LYST: variants seen among roughly 807,000 people sequenced by gnomAD.
LYST encodes lysosomal-trafficking regulator.
A neutral mutation model predicts 413.6 loss-of-function variants in LYST; 192 were observed. The observed-to-expected ratio is 0.46, with a 90% CI of 0.41 to 0.52. LYST has a LOEUF of 0.52. Ranked by LOEUF, LYST falls within the 20% of genes least tolerant of loss-of-function variation. LYST has a pLI of 0.00. For missense variants in LYST, 3,815 were observed against 4,499.9 expected (o/e 0.85, Z 4.35); for synonymous variants, 1,525 against 1,567.3 (o/e 0.97, Z 0.64).
chr1:235,712,698 G>A (rs1662497682), intron 42 of LYST: 2 of 984,856 alleles, frequency 2.0e-6, no homozygotes, highest in South Asian at 4.7e-5. Flanking sequence ...TTTTTTCGGG[G>A]GGGTGCGTAG....
intron 47 of LYST, among the ~76,000 whole-genome samples, chr1:235,691,111 G>A (rs1008589921): frequency 2.6e-5 from 4 of 151,980 alleles, no homozygotes; most frequent in Non-Finnish European, 4.4e-5. Context: ...GTAGAGACGG[G>A]GTTTCACTGT....
chr1:235,725,855 C>T (rs1272140329), intron 38 of LYST, among the ~76,000 whole-genome samples: 3 of 152,098 alleles, frequency 2.0e-5, no homozygotes, highest in Non-Finnish European at 4.4e-5. Flanking sequence ...TCCTAGTGTA[C>T]TCAGACAAAT....
At chr1:235,763,000 A>G (rs1273585236) in intron 21 of LYST, 149 bp from the exon 22 acceptor site, 1 of 643,770 alleles carries the variant, frequency 1.6e-6, no homozygotes, top group African/African-American at 1.8e-5. Context: ...AAGGCACACG[A>G]TATGTGAATA....
chr1:235,786,817 C>A (rs139034177), intron 14 of LYST, among the ~76,000 whole-genome samples: 170 of 146,406 alleles, frequency 1.2e-3, no homozygotes, highest in African/African-American at 3.8e-3. Flanking sequence ...CCAAACACCG[C>A]ATGTTCTCAC....
At chr1:235,703,702 T>A (rs969923064) in intron 44 of LYST, among the ~76,000 whole-genome samples, 2 of 152,108 alleles carry the variant, frequency 1.3e-5, no homozygotes, top group Admixed American at 6.6e-5. Context: ...AGAAGTTAGG[T>A]CATCTTCAAC....
chr1:235,709,480 T>C (rs1168158913), intron 43 of LYST, among the ~76,000 whole-genome samples, 172 bp from the exon 44 acceptor site: 1 of 150,002 alleles, frequency 6.7e-6, no homozygotes, highest in Non-Finnish European at 1.5e-5. Flanking sequence ...CATCTACTTA[T>C]GTACCTACTA....
In LYST at chr1:235,777,232, C is replaced by T. The variant is rs35413645; in HGVS notation, c.5291G>A (p.Gly1764Asp). 8 of 1,613,402 alleles carry T rather than the reference C, an allele frequency of 5.0e-6. No homozygotes were observed. The highest frequency in any genetic ancestry group is 3.3e-5 in the Admixed American group (2 of 59,988). The part of the protein sequence containing the change: ...TIYEPVIRLK[G>D]QMKTQLSQRP... ...TTGAGAGAGTTGGGTTTTCATTTGA[C>T]CTTTAAGTCTAATCACTGGTTCATA... is the stretch of plus-strand genomic sequence containing the variant. The change falls in exon 17 of 53, where the codon GGT becomes GAT. Residue 1764 changes from glycine (G) to aspartate (D), a missense_variant. Around this residue, in one of 4 missense-constraint regions of LYST, gnomAD observed 530 missense variants for 696.5 expected, o/e 0.76. Transcript: ENST00000389793.
chr1:235,825,031 A>AAACAACAAC, intron 3 of LYST, among the ~76,000 whole-genome samples: 1 of 152,114 alleles, frequency 6.6e-6, no homozygotes, highest in South Asian at 2.1e-4. Context: ...AAAAAAAAGA[A>AAACAACAAC]AACAACAACA....
intron 19 of LYST, among the ~76,000 whole-genome samples, chr1:235,770,946 T>C (rs1232588505): frequency 6.6e-6 from 1 of 152,222 alleles, no homozygotes; most frequent in Non-Finnish European, 1.5e-5. Context: ...TGATAACTAA[T>C]ATTGAAAGAT....
Position 235,723,996 on chromosome 1 carries a change from C to T in LYST, c.9315+32G>A, listed in dbSNP as rs551759277. 15 of 1,587,912 alleles carry T rather than the reference C, an allele frequency of 9.4e-6. No homozygotes were observed. The South Asian group carries it at 1.5e-4, about 16-fold the overall frequency. ...TTACAGTGGCCCATGAGCACTTAAACAATATATATCAATTAATAAGGGTGA... is the reference window on the plus strand; with the variant it reads ...TTACAGTGGCCCATGAGCACTTAAATAATATATATCAATTAATAAGGGTGA... On this transcript the variant is annotated intron_variant, in intron 39 of 52. Coordinates refer to ENST00000389793, the MANE Select transcript of LYST (RefSeq NM_000081.4).
Position 235,733,552 on chromosome 1 carries a change from T to A in LYST, c.8752A>T (p.Ser2918Cys). The A allele has an allele frequency of 6.2e-7, 1 of 1,614,020 alleles. No individual in the cohort carries two copies. The highest frequency in any genetic ancestry group is 1.1e-5 in the South Asian group (1 of 91,078). The change falls in exon 34 of 53, where the codon AGT becomes TGT. Residue 2918 changes from serine (S) to cysteine (C), a missense_variant. By Grantham distance (112) the Ser-to-Cys change is moderately radical (BLOSUM62 -1). This residue lies in a region of LYST where 866 missense variants were observed against 1,156.0 expected (regional missense o/e 0.75). Coordinates refer to ENST00000389793, the MANE Select transcript of LYST (RefSeq NM_000081.4). ...AGTTCCTGCCAATGTCTGCTGGCAC[T>A]CAAATCTACTTTATACATTCCTCTA... ...HIRGMYKVDL[S>C]ASRHWQELIQ... is the part of the protein sequence containing the mutation.
intron 42 of LYST, chr1:235,712,549 T>C (rs2103127362): frequency 1.1e-6 from 1 of 942,502 alleles, no homozygotes; most frequent in Admixed American, 6.1e-5. Context: ...CAATCATGGT[T>C]TATTTATTGA....
intron 16 of LYST, among the ~76,000 whole-genome samples, chr1:235,778,902 T>TGG (rs1021723756): frequency 2.6e-5 from 4 of 151,948 alleles, no homozygotes; most frequent in African/African-American, 9.7e-5. Flanking sequence ...GTTTGACTCT[T>TGG]GTTGCCCAGG....
intron 48 of LYST, among the ~76,000 whole-genome samples, chr1:235,684,623 T>A (rs1398783559): frequency 1.3e-5 from 2 of 152,174 alleles, no homozygotes; most frequent in Non-Finnish European, 2.9e-5. Flanking sequence ...TAACCTTTTT[T>A]AAAAACAATT....
chr1:235,698,267 T>G (rs1445218088), intron 45 of LYST, among the ~76,000 whole-genome samples: 1 of 152,178 alleles, frequency 6.6e-6, no homozygotes, highest in East Asian at 1.9e-4. Context: ...AAAACCTGAT[T>G]TTTAGTGAAA....
intron 28 of LYST, 102 bp from the exon 29 acceptor site, chr1:235,746,629 C>T: frequency 1.3e-6 from 1 of 793,284 alleles, no homozygotes; most frequent in East Asian, 2.7e-5. Context: ...TGAAAACAAC[C>T]TTATTTACTA....
At chr1:235,838,286 A>G (rs1369613883) in intron 1 of LYST, among the ~76,000 whole-genome samples, 1 of 152,190 alleles carries the variant, frequency 6.6e-6, no homozygotes, top group Non-Finnish European at 1.5e-5. Context: ...CTAAATCAAG[A>G]TTGAGTTCCA....
At chr1:235,759,938 C>T (rs1042848326) in intron 22 of LYST, among the ~76,000 whole-genome samples, 3 of 151,996 alleles carry the variant, frequency 2.0e-5, no homozygotes, top group Non-Finnish European at 4.4e-5. Context: ...TCTTAAATGC[C>T]AAAACTATTT....
intron 8 of LYST, among the ~76,000 whole-genome samples, chr1:235,801,401 A>G (rs1285646079): frequency 6.6e-6 from 1 of 151,362 alleles, no homozygotes; most frequent in Non-Finnish European, 1.5e-5. Flanking sequence ...AAAAAAACCT[A>G]TTCAAACTTT....
Sources: gnomAD v4.1 joint callset for allele counts (sites outside exome capture counted in the v4.1 genomes callset) on GRCh38, gnomAD v4.1.1 for gene constraint, gnomAD v4.1.1 regional missense constraint, MANE v1.5 for transcripts, NCBI Gene and HGNC (gene_info 2026-07-23, HGNC 2026-07-21) for gene names.